SHANK2: variants seen among roughly 807,000 people sequenced by gnomAD.
SHANK2 encodes the protein SH3 and multiple ankyrin repeat domains protein 2.
SHANK2 carries 43 observed loss-of-function variants against 133.7 expected under a neutral mutation model. That is an observed-to-expected ratio of 0.32 (90% CI 0.25 to 0.41). The LOEUF (loss-of-function observed/expected upper bound fraction) is 0.41, where lower values mean the gene tolerates loss of function less well. SHANK2 is among the 10% of genes least tolerant of loss of function. SHANK2 has a pLI of 1.00. For missense variants in SHANK2, 1,994 were observed against 2,235.8 expected, an observed-to-expected ratio of 0.89 and a Z score of 2.18; for synonymous variants, 1,017 against 952.8, an observed-to-expected ratio of 1.07 and a Z score of -1.24.
At chr11:70,649,170 G>T (rs541454345) in intron 17 of SHANK2, among the ~76,000 whole-genome samples, 1 of 152,284 alleles carries the variant, frequency 6.6e-6, no homozygotes, top group African/African-American at 2.4e-5. Flanking sequence ...CCAGCCCTGA[G>T]GGTGCTGAAG....
chr11:71,086,853 G>A (rs1951426594), intron 8 of SHANK2, among the ~76,000 whole-genome samples: 1 of 152,184 alleles, frequency 6.6e-6, no homozygotes, highest in South Asian at 2.1e-4. Context: ...ATAGGCACAA[G>A]GGCCCTGCAG....
At chr11:71,180,301 G>A (rs1363529749) in intron 2 of SHANK2, among the ~76,000 whole-genome samples, 3 of 152,184 alleles carry the variant, frequency 2.0e-5, no homozygotes, top group African/African-American at 7.2e-5. Context: ...TTTGAATGGA[G>A]TCTACCTGCT....
At chr11:70,747,594 T>C (rs1946666521) in intron 14 of SHANK2, among the ~76,000 whole-genome samples, 1 of 152,114 alleles carries the variant, frequency 6.6e-6, no homozygotes, top group Admixed American at 6.5e-5. Flanking sequence ...GCGTTGGAGA[T>C]AGCACTGTTT....
At position 71,118,882 on chromosome 11, in the gene SHANK2, G is replaced by T; in HGVS notation, c.358C>A (p.Arg120=). ...GRDGKFLDEE[R]LLREYPQPVG... is the part of the protein sequence containing the mutation. ...GGCTGTGGGTACTCGCGCAGGAGCC[G>T]CTCCTCATCCAGGAACTTGCCGTCA... The change falls in exon 4 of 26, where the codon CGG becomes AGG. Residue 120 remains arginine, a synonymous_variant. Coordinates refer to ENST00000601538, the MANE Select transcript of SHANK2 (RefSeq NM_012309.5). 2.6e-6 allele frequency: 4 copies of T among 1,551,744 alleles called. No individual in the cohort carries two copies. The highest frequency in any genetic ancestry group is 3.5e-6 in the Non-Finnish European group (4 of 1,147,000).
In SHANK2 at chr11:70,933,184, T is replaced by A. The variant is rs144974511; in HGVS notation, c.1108-36617A>T. On this transcript the variant is annotated intron_variant, in intron 10 of 25. Transcript: ENST00000601538. ...ATGCAGGTGGAATATTATTCGGCCA[T>A]GAAAAAGCAACGAGATTCTGACACA... 2,713 of 456,638 alleles carry A rather than the reference T, an allele frequency of 5.9e-3. 10 individuals are homozygous for A. The highest frequency in any genetic ancestry group is 9.1e-3 in the Non-Finnish European group (2,058 of 226,964). The allele number at this position is 456,638 out of a possible 1,614,324, so 28.3% of individuals were successfully genotyped here.
In SHANK2 at chr11:70,637,756, G is replaced by C. The variant is rs980799133; in HGVS notation, c.2061+22072C>G. 2.0e-5 allele frequency among the ~76,000 whole-genome samples: 3 copies of C among 152,342 alleles called. No homozygotes were observed. In the South Asian group the frequency reaches 6.2e-4, roughly 32 times the overall value. ...TGGCAGTCTTGCAAAACAGACCTAG[G>C]TGTCAGACCCCTTTCCTTCCCGCAC... is the stretch of plus-strand genomic sequence containing the variant. On this transcript the variant is annotated intron_variant, in intron 17 of 25. Transcript: ENST00000601538.
intron 11 of SHANK2, among the ~76,000 whole-genome samples, chr11:70,832,569 A>G (rs1357556723): frequency 6.6e-6 from 1 of 152,204 alleles, no homozygotes; most frequent in Non-Finnish European, 1.5e-5. Context: ...GAATGAATGA[A>G]TGAATGGAGT....
At chr11:70,792,309 A>G (rs1555048215) in intron 14 of SHANK2, among the ~76,000 whole-genome samples, 3 of 151,192 alleles carry the variant, frequency 2.0e-5, no homozygotes, top group Non-Finnish European at 4.4e-5. Context: ...CCAACCAACC[A>G]ACCAACCAAC....
chr11:71,118,352 G>A (rs1378091964), intron 4 of SHANK2, among the ~76,000 whole-genome samples: 2 of 152,178 alleles, frequency 1.3e-5, no homozygotes, highest in Non-Finnish European at 2.9e-5. Flanking sequence ...AATTTATAAA[G>A]GAAAGAGGTT....
intron 10 of SHANK2, among the ~76,000 whole-genome samples, chr11:70,898,282 G>GCA (rs71467421): frequency 0.1 from 13,631 of 135,072 alleles, 781 homozygotes; most frequent in African/African-American, 0.16. Context: ...ATACACACAC[G>GCA]CACACACACA....
intron 10 of SHANK2, among the ~76,000 whole-genome samples, chr11:70,914,859 A>T (rs1287321246): frequency 1.3e-5 from 2 of 149,638 alleles, no homozygotes; most frequent in Non-Finnish European, 3.0e-5. Flanking sequence ...TAATCGCACC[A>T]CTGCACTCCA....
chr11:70,765,380 T>A (rs1162202398), intron 14 of SHANK2, among the ~76,000 whole-genome samples: 1 of 152,174 alleles, frequency 6.6e-6, no homozygotes, highest in Non-Finnish European at 1.5e-5. Flanking sequence ...CTTGCTCTTA[T>A]GTGACTACTA....
intron 10 of SHANK2, among the ~76,000 whole-genome samples, chr11:70,937,740 G>A (rs1234295870): frequency 6.6e-6 from 1 of 151,724 alleles, no homozygotes. Context: ...AAAGCTTGGA[G>A]AAAAAAGGTC....
At chr11:70,892,684 C>G (rs566357815) in intron 11 of SHANK2, among the ~76,000 whole-genome samples, 2 of 152,194 alleles carry the variant, frequency 1.3e-5, no homozygotes, top group African/African-American at 4.8e-5. Flanking sequence ...CGGTGCCCTG[C>G]CTGCATCTCC....
At chr11:70,838,496 G>C (rs192626564) in intron 11 of SHANK2, among the ~76,000 whole-genome samples, 28 of 152,244 alleles carry the variant, frequency 1.8e-4, no homozygotes, top group Admixed American at 1.7e-3. Context: ...GCAATGCCTT[G>C]CCCCGTGGAG....
chr11:70,609,280 G>A (rs1554993460), intron 17 of SHANK2, among the ~76,000 whole-genome samples: 1 of 152,242 alleles, frequency 6.6e-6, no homozygotes, highest in Non-Finnish European at 1.5e-5. Flanking sequence ...CAAAGCGAAA[G>A]AGGAAGAATC....
chr11:70,496,310 T>C (rs1555157071), intron 21 of SHANK2, among the ~76,000 whole-genome samples: 3 of 152,194 alleles, frequency 2.0e-5, no homozygotes, highest in African/African-American at 7.2e-5. Flanking sequence ...TGTCTGTTTT[T>C]TATGTATTAA....
At chr11:70,875,668 AAC>A (rs1486120877) in intron 11 of SHANK2, among the ~76,000 whole-genome samples, 4 of 152,214 alleles carry the variant, frequency 2.6e-5, no homozygotes, top group African/African-American at 9.6e-5. Flanking sequence ...CAGCCTGGGA[AAC>A]ACAGTGAAAG....
intron 14 of SHANK2, among the ~76,000 whole-genome samples, chr11:70,761,736 G>A (rs560717052): frequency 1.6e-3 from 247 of 152,360 alleles, no homozygotes; most frequent in African/African-American, 5.6e-3. Flanking sequence ...GCACCCAGGT[G>A]ACCATGCCCA....
Sources: allele counts gnomAD v4.1 joint callset (sites outside exome capture counted in the v4.1 genomes callset), GRCh38; gene constraint gnomAD v4.1.1; transcripts MANE v1.5; gene names NCBI Gene and HGNC (gene_info 2026-07-23, HGNC 2026-07-21).